KLHL31: variants seen among roughly 807,000 people sequenced by gnomAD.
KLHL31 encodes the protein kelch like family member 31, also known as kelch-like protein 31.
Under a neutral mutation model 47.1 loss-of-function variants are expected in KLHL31, and 32 were observed. The observed-to-expected ratio is 0.68, with a 90% confidence interval of 0.51 to 0.91. The LOEUF (loss-of-function observed/expected upper bound fraction) is 0.91. KLHL31 is among the 40% of genes least tolerant of loss of function. The pLI is 0.00. For missense variants in KLHL31, 797 were observed against 819.3 expected (o/e 0.97, Z 0.33); for synonymous variants, 330 against 325.1 (o/e 1.01, Z -0.16).
chr6:53,653,338 A>C (rs1256538797), intron 2 of KLHL31, among the ~76,000 whole-genome samples: 1 of 152,240 alleles, frequency 6.6e-6, no homozygotes. Context: ...ATAATAAAGT[A>C]TATTTTTCAT....
chr6:53,660,525 G>T (rs967051915), intron 1 of KLHL31, among the ~76,000 whole-genome samples: 3 of 152,162 alleles, frequency 2.0e-5, no homozygotes, highest in Admixed American at 2.0e-4. Context: ...TAAGAAACTT[G>T]AAGTCAGGCT....
intron 1 of KLHL31, among the ~76,000 whole-genome samples, chr6:53,664,960 A>G (rs1258544330): frequency 6.6e-6 from 1 of 152,190 alleles, no homozygotes; most frequent in Non-Finnish European, 1.5e-5. Context: ...TTACACTTCC[A>G]ACATGATTTT....
intron 1 of KLHL31, among the ~76,000 whole-genome samples, chr6:53,664,420 C>A (rs751296337): frequency 3.9e-5 from 6 of 152,202 alleles, no homozygotes; most frequent in Admixed American, 1.3e-4. Context: ...ACTTTCCACA[C>A]ACTGGGCTCA....
chr6:53,661,927 T>A (rs1450838988), intron 1 of KLHL31, among the ~76,000 whole-genome samples: 1 of 152,220 alleles, frequency 6.6e-6, no homozygotes, highest in South Asian at 2.1e-4. Flanking sequence ...TCAATTGATA[T>A]TTTAACTTTG....
In KLHL31 at chr6:53,664,329, C is replaced by T. The variant is rs552401362; in HGVS notation, c.-34+1272G>A. ...GATGACCTGACTTGTATCTGGCATT[C>T]CTGATCAGGGCTGGGTATCAGGTGA... On this transcript the variant is annotated intron_variant, in intron 1 of 2. Transcript: ENST00000370905. Among the ~76,000 whole-genome samples the T allele has an allele frequency of 7.2e-5, 11 of 152,268 alleles. No individual in the cohort carries two copies. In the East Asian group the frequency reaches 1.4e-3, roughly 19 times the overall value.
At chr6:53,659,732 T>C (rs1307490279) in intron 1 of KLHL31, among the ~76,000 whole-genome samples, 1 of 152,154 alleles carries the variant, frequency 6.6e-6, no homozygotes, top group Non-Finnish European at 1.5e-5. Flanking sequence ...TACAGGAGGT[T>C]GGATGCCAGG....
At chr6:53,658,481 G>T (rs1764602531) in intron 1 of KLHL31, among the ~76,000 whole-genome samples, 1 of 152,124 alleles carries the variant, frequency 6.6e-6, no homozygotes, top group Admixed American at 6.5e-5. Context: ...CTACTAACCA[G>T]AATGGATTCA....
chr6:53,658,873 T>C lies in KLHL31; in HGVS notation c.-33-3568A>G, dbSNP rs188094517. ...GATGACAATGAAAATATAACATAAA[T>C]ACCAATTTTACTACTTATCTACCGT... is the stretch of plus-strand genomic sequence containing the variant. On this transcript the variant is annotated intron_variant, in intron 1 of 2. Transcript: ENST00000370905. Among the ~76,000 whole-genome samples the C allele has an allele frequency of 2.3e-3, 348 of 152,270 alleles. 3 individuals carry two copies. The highest frequency in any genetic ancestry group is 8.1e-3 in the African/African-American group (336 of 41,554).
At chr6:53,655,429 A>G (rs573378198) in intron 1 of KLHL31, 124 bp from the exon 2 acceptor site, 37 of 530,454 alleles carry the variant, frequency 7.0e-5, no homozygotes, top group Middle Eastern at 4.9e-4. Context: ...AATTTTTAAA[A>G]TAGATTTAAA....
chr6:53,663,561 A>G (rs1205926527), intron 1 of KLHL31, among the ~76,000 whole-genome samples: 2 of 152,236 alleles, frequency 1.3e-5, no homozygotes, highest in Non-Finnish European at 2.9e-5. Flanking sequence ...TTTGTTTAAA[A>G]GCAAATACTT....
At chr6:53,658,966 A>T (rs1227358868) in intron 1 of KLHL31, among the ~76,000 whole-genome samples, 4 of 152,356 alleles carry the variant, frequency 2.6e-5, no homozygotes, top group Middle Eastern at 6.8e-3. Context: ...GAAGATAATA[A>T]TAGTGCCTGC....
In KLHL31 at chr6:53,651,662, A is replaced by C. The variant is rs769724245; in HGVS notation, c.1841T>G (p.Met614Arg). ...GGATTCCCGAGTCACGTTGTTGGGC[A>C]TCGAGAGGGTGCAGCAGGACACGCC... The part of the protein sequence containing the change: ...TVGVSCCTLS[M>R]PNNVTRESRA... The change falls in exon 3 of 3, where the codon ATG becomes AGG. Residue 614 changes from methionine to arginine, a missense_variant. By Grantham distance (91) the Met-to-Arg change is moderately conservative (BLOSUM62 -1). Coordinates refer to ENST00000370905, the MANE Select transcript of KLHL31 (RefSeq NM_001003760.5). 39 of 1,614,054 alleles carry C rather than the reference A, an allele frequency of 2.4e-5. No homozygotes were observed. The highest frequency in any genetic ancestry group is 6.7e-5 in the African/African-American group (5 of 74,940).
rs1764462190 is a variant in KLHL31 at position 53,651,404 on chromosome 6, A to AAAAAAAAAAAAAAAAAC, written c.*193_*194insGTTTTTTTTTTTTTTTT. On this transcript the variant is annotated 3_prime_UTR_variant, in exon 3 of 3. Transcript: ENST00000370905. The stretch of plus-strand genomic sequence containing the variant: ...GCCATTGCCCTGTATTTTGCTAAAA[A>AAAAAAAAAAAAAAAAAC]AAAAAAAAAAAAAAAGAGGTAGATT... 3.8e-6 allele frequency: 1 copy of AAAAAAAAAAAAAAAAAC among 263,278 alleles called. No individual in the cohort carries two copies. Among genetic ancestry groups the AAAAAAAAAAAAAAAAAC allele is most frequent in the Non-Finnish European group, 7.2e-6 (1 of 139,046 alleles). 16.3% of individuals were successfully genotyped at this position (263,278 alleles called of 1,614,324 possible).
In KLHL31 at chr6:53,650,253, T is replaced by C. The variant is rs1171786833; in HGVS notation, c.*1345A>G. The C allele has an allele frequency of 2.0e-5, 3 of 152,196 alleles. No homozygotes were observed. Among genetic ancestry groups the C allele is most frequent in the African/African-American group, 7.2e-5 (3 of 41,464 alleles). The allele number at this position is 152,196 out of a possible 1,614,324, so 9.4% of individuals were successfully genotyped here. A position where few individuals can be genotyped will look rare whatever the true frequency, so the allele number is the denominator to read the frequency against. On this transcript the variant is annotated 3_prime_UTR_variant, in exon 3 of 3. Coordinates refer to ENST00000370905, the MANE Select transcript of KLHL31 (RefSeq NM_001003760.5). ...AATAAACTGTCAAAGAATAAAGTGATAAATTATAAAAAAGGAAAATATGTA... is the reference window on the plus strand; with the variant it reads ...AATAAACTGTCAAAGAATAAAGTGACAAATTATAAAAAAGGAAAATATGTA...
intron 1 of KLHL31, among the ~76,000 whole-genome samples, chr6:53,661,757 TG>T (rs1384374059): frequency 2.0e-5 from 3 of 152,210 alleles, no homozygotes; most frequent in Non-Finnish European, 4.4e-5. Flanking sequence ...AAATGTTCAC[TG>T]TGCACTTCTA....
At chr6:53,660,643 G>C (rs1057475760) in intron 1 of KLHL31, among the ~76,000 whole-genome samples, 3 of 152,092 alleles carry the variant, frequency 2.0e-5, no homozygotes, top group African/African-American at 7.2e-5. Context: ...GCGAAACCCT[G>C]TCTCTACCAA....
Position 53,655,210 on chromosome 6 carries a change from G to C in KLHL31, c.63C>G (p.Ile21Met). 6.2e-7 allele frequency: 1 copy of C among 1,607,490 alleles called. No individual in the cohort carries two copies. Among genetic ancestry groups the C allele is most frequent in the African/African-American group, 1.3e-5 (1 of 74,588 alleles). The change falls in exon 2 of 3, where the codon ATC becomes ATG. Residue 21 changes from isoleucine (I) to methionine (M), a missense_variant. Ile to Met is a conservative substitution (Grantham distance 10). Coordinates refer to ENST00000370905, the MANE Select transcript of KLHL31 (RefSeq NM_001003760.5). ...GTTTGTTTAGGGGGCTATCTTCTAC[G>C]ATTATAGTCATCTCATTGATATCTC... ...NKGDINEMTIIVEDSPLNKLN... is the reference protein window; with the variant it reads ...NKGDINEMTIMVEDSPLNKLN...
In KLHL31 at chr6:53,651,875, C is replaced by T; in HGVS notation, c.1628G>A (p.Gly543Asp). The stretch of plus-strand genomic sequence containing the variant: ...CAGCGGCGCCGCGTAGCTCCACTGG[C>T]CGGTCGCGGGGCTGTAGCACTCCAC... ...LTVECYSPATGQWSYAAPLQV... is the reference protein window; with the variant it reads ...LTVECYSPATDQWSYAAPLQV... The change falls in exon 3 of 3, where the codon GGC becomes GAC. Residue 543 changes from glycine (G) to aspartate (D), a missense_variant. Physicochemically the swap from Gly to Asp is moderately conservative, Grantham distance 94 (BLOSUM62 -1). Coordinates refer to ENST00000370905, the MANE Select transcript of KLHL31 (RefSeq NM_001003760.5). 1 of 1,599,060 alleles carries T rather than the reference C, an allele frequency of 6.3e-7. No individual in the cohort carries two copies. The highest frequency in any genetic ancestry group is 8.5e-7 in the Non-Finnish European group (1 of 1,177,216).
intron 1 of KLHL31, among the ~76,000 whole-genome samples, chr6:53,660,806 G>T (rs1315300037): frequency 6.6e-6 from 1 of 152,220 alleles, no homozygotes; most frequent in Non-Finnish European, 1.5e-5. Context: ...AACAAAGCGA[G>T]ACTCTGTCTC....
Sources: allele counts gnomAD v4.1 joint callset (sites outside exome capture counted in the v4.1 genomes callset), GRCh38; gene constraint gnomAD v4.1.1; transcripts MANE v1.5; gene names NCBI Gene and HGNC (gene_info 2026-07-23, HGNC 2026-07-21).